The following NXPH1 variants were observed in gnomAD, a reference collection of about 807,000 sequenced individuals.
NXPH1 encodes the protein neurexophilin-1.
Under a neutral mutation model 23.7 loss-of-function variants are expected in NXPH1, and 5 were observed. The ratio of observed to expected loss-of-function variants is 0.21; its 90% CI spans 0.11 to 0.44. The LOEUF (loss-of-function observed/expected upper bound fraction) is 0.44. Among genes scored for constraint, NXPH1 ranks in the 20% least tolerant of loss-of-function variants. NXPH1 has a pLI of 0.99. For synonymous variants in NXPH1, 144 were observed against 122.2 expected (o/e 1.18, Z -1.18); for missense variants, 324 against 321.6 (o/e 1.01, Z -0.06).
chr7:8,495,011 G>A (rs574675001), intron 2 of NXPH1, among the ~76,000 whole-genome samples: 1 of 152,116 alleles, frequency 6.6e-6, no homozygotes, highest in Non-Finnish European at 1.5e-5. Flanking sequence ...GTTTAAAAAG[G>A]GATGTTAAAA....
chr7:8,630,646 A>T (rs960908314), intron 2 of NXPH1, among the ~76,000 whole-genome samples: 1 of 152,176 alleles, frequency 6.6e-6, no homozygotes, highest in Non-Finnish European at 1.5e-5. Flanking sequence ...CTGAACTTTT[A>T]TGTCTTGAGT....
chr7:8,557,332 C>T (rs903057622), intron 2 of NXPH1, among the ~76,000 whole-genome samples: 7 of 151,714 alleles, frequency 4.6e-5, no homozygotes, highest in African/African-American at 1.7e-4. Flanking sequence ...CTTCCTAAGG[C>T]AGGCTCAATC....
intron 2 of NXPH1, among the ~76,000 whole-genome samples, chr7:8,652,629 A>G (rs1820507693): frequency 1.3e-5 from 2 of 152,204 alleles, no homozygotes; most frequent in African/African-American, 4.8e-5. Flanking sequence ...AGCAATAAAC[A>G]AGACAGGTAA....
At position 8,447,311 on chromosome 7, in the gene NXPH1, A is replaced by G. The variant is rs147778509; in HGVS notation, c.54+11544A>G. ...CCAGGGCACCATCATTTACTGTGTT[A>G]GAGAATTAAATGCAGAGAAAGATGC... is the stretch of plus-strand genomic sequence containing the variant. On this transcript the variant is annotated intron_variant, in intron 2 of 2. Transcript: ENST00000405863. Among the ~76,000 whole-genome samples the G allele has an allele frequency of 3.9e-3, 591 of 152,338 alleles. 4 individuals carry two copies. Among genetic ancestry groups the G allele is most frequent in the African/African-American group, 0.013 (559 of 41,570 alleles).
chr7:8,592,009 A>G (rs1819106778), intron 2 of NXPH1, among the ~76,000 whole-genome samples: 1 of 151,944 alleles, frequency 6.6e-6, no homozygotes, highest in South Asian at 2.1e-4. Context: ...GATGGTGACA[A>G]AGACTGATTG....
intron 2 of NXPH1, among the ~76,000 whole-genome samples, chr7:8,680,418 A>T (rs60136480): frequency 0.062 from 9,443 of 152,290 alleles, 503 homozygotes; most frequent in East Asian, 0.24. Flanking sequence ...CTGTTCTTCC[A>T]AGCCATATAA....
intron 2 of NXPH1, among the ~76,000 whole-genome samples, chr7:8,612,238 C>G (rs551842862): frequency 6.6e-6 from 1 of 150,784 alleles, no homozygotes; most frequent in African/African-American, 2.4e-5. Flanking sequence ...TTTACATTCT[C>G]CCCTTCCTTT....
At chr7:8,518,317 TC>T (rs1478884037) in intron 2 of NXPH1, among the ~76,000 whole-genome samples, 11 of 152,076 alleles carry the variant, frequency 7.2e-5, no homozygotes, top group Admixed American at 7.2e-4. Context: ...AGGAGTGTAG[TC>T]CCAAATAAGA....
At chr7:8,648,445 T>C (rs1272814698) in intron 2 of NXPH1, among the ~76,000 whole-genome samples, 2 of 152,226 alleles carry the variant, frequency 1.3e-5, no homozygotes, top group African/African-American at 4.8e-5. Flanking sequence ...CTTATTTCAG[T>C]GAACACAAGG....
chr7:8,705,163 T>C (rs1399789012), intron 2 of NXPH1, among the ~76,000 whole-genome samples: 3 of 152,180 alleles, frequency 2.0e-5, no homozygotes, highest in African/African-American at 7.2e-5. Flanking sequence ...AATTGTAGAC[T>C]GCACTCACAG....
intron 2 of NXPH1, among the ~76,000 whole-genome samples, chr7:8,612,773 A>G (rs909068127): frequency 1.3e-5 from 2 of 152,022 alleles, no homozygotes; most frequent in African/African-American, 4.8e-5. Flanking sequence ...TTGCTTTGTA[A>G]ATAAAGAGAG....
chr7:8,516,710 C>G (rs572485724), intron 2 of NXPH1, among the ~76,000 whole-genome samples: 1 of 152,034 alleles, frequency 6.6e-6, no homozygotes. Context: ...AACTCTGGAG[C>G]CTTTTGAGTT....
intron 2 of NXPH1, among the ~76,000 whole-genome samples, chr7:8,689,350 G>T (rs1351330668): frequency 2.0e-5 from 3 of 151,504 alleles, no homozygotes. Context: ...CTATCAGTCA[G>T]CTCGCTGGCA....
chr7:8,722,564 G>GT (rs796624696), intron 2 of NXPH1, among the ~76,000 whole-genome samples: 21 of 152,300 alleles, frequency 1.4e-4, no homozygotes, highest in African/African-American at 5.1e-4. Flanking sequence ...TTTTTTAGGG[G>GT]TTTGCAAATG....
intron 2 of NXPH1, among the ~76,000 whole-genome samples, chr7:8,468,717 T>A (rs1816822912): frequency 6.6e-6 from 1 of 152,056 alleles, no homozygotes; most frequent in South Asian, 2.1e-4. Flanking sequence ...TGCAGGTGAC[T>A]GATTGAAAAT....
At position 8,435,952 on chromosome 7, in the gene NXPH1, T is replaced by C. The variant is rs1432726435; in HGVS notation, c.54+185T>C. 6.6e-6 allele frequency among the ~76,000 whole-genome samples: 1 copy of C among 152,162 alleles called. No individual in the cohort carries two copies. The highest frequency in any genetic ancestry group is 1.5e-5 in the Non-Finnish European group (1 of 68,020). On this transcript the variant is annotated intron_variant, in intron 2 of 2. Coordinates refer to ENST00000405863, the MANE Select transcript of NXPH1 (RefSeq NM_152745.3). The surrounding 1 kb of genome is among the most constrained non-coding windows in gnomAD (Gnocchi z 5.9). Reference sequence around the variant, plus strand: ...CGGATTTTCCGGGGTTCCCACCCCATTTTCTGCTCCAATCCCCCAGTCTCC... The same window carrying C: ...CGGATTTTCCGGGGTTCCCACCCCACTTTCTGCTCCAATCCCCCAGTCTCC...
At chr7:8,594,731 C>T (rs145519987) in intron 2 of NXPH1, among the ~76,000 whole-genome samples, 36 of 152,042 alleles carry the variant, frequency 2.4e-4, no homozygotes, top group Middle Eastern at 6.8e-3. Flanking sequence ...GTCGACTTGA[C>T]TTTACTCTGG....
intron 2 of NXPH1, among the ~76,000 whole-genome samples, chr7:8,679,319 T>C (rs1298084773): frequency 6.6e-6 from 1 of 152,178 alleles, no homozygotes; most frequent in Admixed American, 6.5e-5. Context: ...CAAGTGTAAT[T>C]CAGTACAATT....
chr7:8,734,548 C>A (rs940326051), intron 2 of NXPH1, among the ~76,000 whole-genome samples: 1 of 151,990 alleles, frequency 6.6e-6, no homozygotes. Flanking sequence ...CTCTTATTTC[C>A]TTGAGCAGTG....
Sources: allele counts gnomAD v4.1 joint callset (sites outside exome capture counted in the v4.1 genomes callset), GRCh38; gene constraint gnomAD v4.1.1; non-coding constraint Gnocchi (gnomAD v3.1); transcripts MANE v1.5; gene names NCBI Gene and HGNC (gene_info 2026-07-23, HGNC 2026-07-21).